PRKCZ: variants seen among roughly 807,000 people sequenced by gnomAD.
PRKCZ encodes the protein protein kinase C zeta type.
PRKCZ carries 33 observed loss-of-function variants against 79.5 expected under a neutral mutation model. The ratio of observed to expected loss-of-function variants is 0.41; its 90% CI spans 0.31 to 0.55. The LOEUF is 0.55. Ranked by LOEUF, PRKCZ falls within the 20% of genes least tolerant of loss-of-function variation. PRKCZ has a pLI of 0.19. For missense variants in PRKCZ, 578 were observed against 813.5 expected, an observed-to-expected ratio of 0.71 and a Z score of 3.52; for synonymous variants, 342 against 320.9, an observed-to-expected ratio of 1.07 and a Z score of -0.70.
At position 2,178,867 on chromosome 1, in the gene PRKCZ, G is replaced by A. The variant is rs1028541463; in HGVS notation, c.1575+3554G>A. Among the ~76,000 whole-genome samples, 1 of 152,176 alleles carries A rather than the reference G, an allele frequency of 6.6e-6. No individual in the cohort carries two copies. The highest frequency in any genetic ancestry group is 1.5e-5 in the Non-Finnish European group (1 of 68,022). ...GAGCAGCAGGAATGGATGGTGAAAG[G>A]ACACAGTGCCCGCCCCCCGAGTGTC... On this transcript the variant is annotated intron_variant, in intron 16 of 17. Coordinates refer to ENST00000378567, the MANE Select transcript of PRKCZ (RefSeq NM_002744.6). The surrounding 1 kb of genome is among the most constrained non-coding windows in gnomAD (Gnocchi z 4.3).
rs781332492 is a variant in PRKCZ, at chr1:2,055,477, C to G, written c.108C>G (p.Thr36=). The change falls in exon 2 of 18, where the codon ACC becomes ACG. Residue 36 remains threonine, a synonymous_variant. Coordinates refer to ENST00000378567, the MANE Select transcript of PRKCZ (RefSeq NM_002744.6). Reference sequence around the variant, plus strand: ...TCACCAGCGTGGACGCCGCCACGACCTTCGAGGAGCTCTGTGAGGAAGTGA... The same window carrying G: ...TCACCAGCGTGGACGCCGCCACGACGTTCGAGGAGCTCTGTGAGGAAGTGA... ...IFITSVDAAT[T]FEELCEEVRD... 1.9e-5 allele frequency: 30 copies of G among 1,613,918 alleles called. No homozygotes were observed. The South Asian group carries it at 3.3e-4, about 18-fold the overall frequency.
chr1:2,105,394 C>T lies in PRKCZ; in HGVS notation c.335-29868C>T, dbSNP rs975208096. Among the ~76,000 whole-genome samples the T allele has an allele frequency of 3.9e-5, 6 of 152,146 alleles. No homozygotes were observed. The East Asian group carries it at 7.7e-4, about 20-fold the overall frequency. On this transcript the variant is annotated intron_variant, in intron 4 of 17. Coordinates refer to ENST00000378567, the MANE Select transcript of PRKCZ (RefSeq NM_002744.6). ...GCACTAGGCATTTGGCCAAGGGTCA[C>T]GTTAGGCCTTATTTATTTATTTTTT... is the stretch of plus-strand genomic sequence containing the variant.
chr1:2,061,894 TG>T (rs1660709121), intron 4 of PRKCZ, among the ~76,000 whole-genome samples: 1 of 152,208 alleles, frequency 6.6e-6, no homozygotes, highest in Admixed American at 6.5e-5. Context: ...GGCCGCCGCC[TG>T]GGGCTCTGTG....
chr1:2,083,200 G>A lies in PRKCZ; in HGVS notation c.334+23609G>A, dbSNP rs535548999. Among the ~76,000 whole-genome samples the A allele has an allele frequency of 2.6e-5, 4 of 152,264 alleles. No individual in the cohort carries two copies. The East Asian group carries it at 7.7e-4, about 29-fold the overall frequency. On this transcript the variant is annotated intron_variant, in intron 4 of 17. Transcript: ENST00000378567. Reference sequence around the variant, plus strand: ...GTACAGGGATTTTACGGGAGGAGGGGTCGCTTCGAGGGGAGGTGGCTGCGT... The same window carrying A: ...GTACAGGGATTTTACGGGAGGAGGGATCGCTTCGAGGGGAGGTGGCTGCGT...
chr1:2,104,339 C>T (rs1012989452), intron 4 of PRKCZ, among the ~76,000 whole-genome samples: 4 of 152,178 alleles, frequency 2.6e-5, no homozygotes, highest in Admixed American at 1.3e-4. Context: ...CTCCTAGCCC[C>T]ACGGGCTGAG....
Position 2,144,231 on chromosome 1 carries a change from A to G in PRKCZ, c.442A>G (p.Ser148Gly). 5 of 1,552,712 alleles carry G rather than the reference A, an allele frequency of 3.2e-6. No individual in the cohort carries two copies. The highest frequency in any genetic ancestry group is 4.4e-6 in the Non-Finnish European group (5 of 1,147,396). The change falls in exon 6 of 18, where the codon AGC becomes GGC. Residue 148 changes from serine to glycine, a missense_variant. By Grantham distance (56) the Ser-to-Gly change is moderately conservative (BLOSUM62 0). This residue lies in a region of PRKCZ where 228 missense variants were observed against 211.6 expected (regional missense o/e 1.08). Transcript: ENST00000378567. ...GCAGAGAGCGTACTGCGGTCAGTGC[A>G]GCGAGAGGATATGGGGCCTCGCGAG... ...FNRRAYCGQC[S>G]ERIWGLARQG...
At chr1:2,113,714 A>G (rs907977816) in intron 4 of PRKCZ, among the ~76,000 whole-genome samples, 7 of 152,052 alleles carry the variant, frequency 4.6e-5, no homozygotes, top group Non-Finnish European at 1.0e-4. Flanking sequence ...GCTGCCGTGG[A>G]GAATGCTGGG....
intron 4 of PRKCZ, among the ~76,000 whole-genome samples, chr1:2,081,798 G>GC (rs1234176096): frequency 1.3e-5 from 2 of 151,862 alleles, no homozygotes; most frequent in Admixed American, 1.3e-4. Context: ...GCTCAGGCAC[G>GC]CCCCCCACAC....
At chr1:2,079,840 G>A (rs1407191229) in intron 4 of PRKCZ, among the ~76,000 whole-genome samples, 1 of 152,208 alleles carries the variant, frequency 6.6e-6, no homozygotes, top group East Asian at 1.9e-4. Flanking sequence ...GACTCGTGGG[G>A]CACCACAGAG....
chr1:2,092,394 A>G (rs1665675648), intron 4 of PRKCZ, among the ~76,000 whole-genome samples: 2 of 151,830 alleles, frequency 1.3e-5, no homozygotes, highest in Admixed American at 6.6e-5. Context: ...GGGCGGGGAC[A>G]CCCTGGCTGG....
chr1:2,097,063 C>T (rs537440962), intron 4 of PRKCZ, among the ~76,000 whole-genome samples: 8 of 152,342 alleles, frequency 5.3e-5, no homozygotes, highest in South Asian at 2.1e-4. Context: ...CCACAGACTC[C>T]GACTCCATTC....
At position 2,162,567 on chromosome 1, in the gene PRKCZ, A is replaced by G. The variant is rs190347047; in HGVS notation, c.974+6475A>G. Among the ~76,000 whole-genome samples, 1,181 of 152,050 alleles carry G rather than the reference A, an allele frequency of 7.8e-3. 7 individuals are homozygous for G. Among genetic ancestry groups the G allele is most frequent in the Non-Finnish European group, 0.012 (829 of 67,996 alleles). On this transcript the variant is annotated intron_variant, in intron 10 of 17. Coordinates refer to ENST00000378567, the MANE Select transcript of PRKCZ (RefSeq NM_002744.6). ...ATTCACTCACATCCTCTTTCAGGAG[A>G]CTCTTGAAGTCTTCATGTGGTTTTC...
Position 2,082,550 on chromosome 1 carries a change from A to T in PRKCZ, c.334+22959A>T. ...GTAAATGCTCTGTGAGGAAGGAACG[A>T]TGGTGGGATTTGTCACTCAGTCGAT... On this transcript the variant is annotated intron_variant, in intron 4 of 17. Transcript: ENST00000378567. The surrounding 1 kb of genome is among the most constrained non-coding windows in gnomAD (Gnocchi z 4.4). The T allele has an allele frequency of 2.6e-6, 1 of 380,360 alleles. No individual in the cohort carries two copies. The highest frequency in any genetic ancestry group is 3.7e-4 in the Middle Eastern group (1 of 2,682). The allele number at this position is 380,360 out of a possible 1,614,324, so 23.6% of individuals were successfully genotyped here. A position where few individuals can be genotyped will look rare whatever the true frequency, so the allele number is the denominator to read the frequency against.
In PRKCZ at chr1:2,089,458, T is replaced by C. The variant is rs376169733; in HGVS notation, c.334+29867T>C. Among the ~76,000 whole-genome samples, 15 of 152,288 alleles carry C rather than the reference T, an allele frequency of 9.8e-5. No homozygotes were observed. The East Asian group carries it at 1.5e-3, about 16-fold the overall frequency. ...AGGGGTGGCCTGTAAACAAGGACCC[T>C]GATTGCTCGAGATGCTGAAGGCGGG... On this transcript the variant is annotated intron_variant, in intron 4 of 17. Coordinates refer to ENST00000378567, the MANE Select transcript of PRKCZ (RefSeq NM_002744.6).
intron 4 of PRKCZ, among the ~76,000 whole-genome samples, chr1:2,070,784 GGCGGGGGACAGTCCTCGGCT>G (rs1158996442): frequency 3.1e-4 from 47 of 151,538 alleles, no homozygotes; most frequent in African/African-American, 1.1e-3. Context: ...GGGTGGGGCT[GGCGGGGGACAGTCCTCGGCT>G]GCGGGGGCCG....
intron 4 of PRKCZ, among the ~76,000 whole-genome samples, chr1:2,110,312 C>T (rs186570614): frequency 6.6e-6 from 1 of 152,216 alleles, no homozygotes; most frequent in African/African-American, 2.4e-5. Flanking sequence ...GAATCTGCCT[C>T]CAGCGGGGGC....
chr1:2,160,308 A>G (rs1415308710), intron 10 of PRKCZ, among the ~76,000 whole-genome samples: 1 of 151,666 alleles, frequency 6.6e-6, no homozygotes, highest in African/African-American at 2.4e-5. Context: ...AGCTCTGGAG[A>G]GGGAGACAGC....
At chr1:2,101,323 T>G (rs1355648511) in intron 4 of PRKCZ, among the ~76,000 whole-genome samples, 2 of 152,180 alleles carry the variant, frequency 1.3e-5, no homozygotes, top group Non-Finnish European at 2.9e-5. Flanking sequence ...GTCCTCTCAG[T>G]AGGGGGAGGC....
chr1:2,078,289 G>A (rs1309782879), intron 4 of PRKCZ, among the ~76,000 whole-genome samples: 3 of 152,230 alleles, frequency 2.0e-5, no homozygotes, highest in Non-Finnish European at 4.4e-5. Context: ...CAGTTTGGGG[G>A]ATCTAGTTGG....
Sources: gnomAD v4.1 joint callset for allele counts (sites outside exome capture counted in the v4.1 genomes callset) on GRCh38, gnomAD v4.1.1 for gene constraint, gnomAD v4.1.1 regional missense constraint, Gnocchi (gnomAD v3.1) non-coding constraint, MANE v1.5 for transcripts, NCBI Gene and HGNC (gene_info 2026-07-23, HGNC 2026-07-21) for gene names.